NT5C2: variants seen among roughly 807,000 people sequenced by gnomAD.
The protein encoded by NT5C2 is cytosolic purine 5'-nucleotidase.
NT5C2 carries 58 observed loss-of-function variants against 76.1 expected under a neutral mutation model. The ratio of observed to expected loss-of-function variants is 0.76; its 90% CI spans 0.62 to 0.95. The LOEUF (loss-of-function observed/expected upper bound fraction) is 0.95. NT5C2 is among the 40% of genes least tolerant of loss of function. The pLI, the probability that NT5C2 is intolerant of heterozygous loss-of-function variation, is 0.00. For missense variants in NT5C2, 478 were observed against 690.3 expected, an observed-to-expected ratio of 0.69 and a Z score of 3.45; for synonymous variants, 229 against 237.4, an observed-to-expected ratio of 0.96 and a Z score of 0.32.
At chr10:103,101,127 A>C in intron 7 of NT5C2, 25 bp from the exon 8 acceptor site, 1 of 1,550,946 alleles carries the variant, frequency 6.4e-7, no homozygotes, top group Non-Finnish European at 8.9e-7. Flanking sequence ...ACAGATATTC[A>C]TAAGCTATAA....
intron 1 of NT5C2, among the ~76,000 whole-genome samples, chr10:103,191,278 A>G (rs2092617116): frequency 6.6e-6 from 1 of 151,902 alleles, no homozygotes; most frequent in Non-Finnish European, 1.5e-5. Context: ...GCTACTCGGG[A>G]GGCCGAGGCA....
In NT5C2 at chr10:103,090,720, T is replaced by A; in HGVS notation, c.1340A>T (p.Gln447Leu). The stretch of plus-strand genomic sequence containing the variant: ...CATCACTTGACTGGCAAAAAGGGTC[T>A]GCCGGGAGCCACTGCGAAACAGGCT... ...MGSLFRSGSR[Q>L]TLFASQVMRY... is the part of the protein sequence containing the mutation. Residue 447 changes from glutamine to leucine, a missense_variant, in exon 18 of 19, where the codon CAG becomes CTG. By Grantham distance (113) the Gln-to-Leu change is moderately radical (BLOSUM62 -2). Coordinates refer to ENST00000404739, the MANE Select transcript of NT5C2 (RefSeq NM_001351169.2). The A allele has an allele frequency of 6.2e-7, 1 of 1,614,218 alleles. No individual in the cohort carries two copies. The highest frequency in any genetic ancestry group is 8.5e-7 in the Non-Finnish European group (1 of 1,180,050).
chr10:103,128,193 AGCCTGCCGAGT>A (rs1409129458), intron 4 of NT5C2, among the ~76,000 whole-genome samples: 2 of 145,920 alleles, frequency 1.4e-5, no homozygotes, highest in East Asian at 2.3e-4. Flanking sequence ...CTCCTGCCTC[AGCCTGCCGAGT>A]GCCTGCCATT....
chr10:103,090,930 G>A lies in NT5C2; in HGVS notation c.1272+6C>T, dbSNP rs2134521793. On this transcript the variant is annotated splice_donor_region_variant and intron_variant, in intron 17 of 18. Transcript: ENST00000404739. The stretch of plus-strand genomic sequence containing the variant: ...CCAAGTTTTCTCCCAAATCCCATTT[G>A]GATACCTTAATACGTCTCTGGATGG... 1 of 1,613,174 alleles carries A rather than the reference G, an allele frequency of 6.2e-7. No individual in the cohort carries two copies. Among genetic ancestry groups the A allele is most frequent in the Non-Finnish European group, 8.5e-7 (1 of 1,179,276 alleles).
intron 1 of NT5C2, among the ~76,000 whole-genome samples, chr10:103,182,332 A>G (rs909416848): frequency 6.6e-6 from 1 of 152,076 alleles, no homozygotes; most frequent in Non-Finnish European, 1.5e-5. Flanking sequence ...ACTTCACTCA[A>G]ATTTTAATTT....
chr10:103,159,931 T>G (rs185199957), intron 3 of NT5C2, among the ~76,000 whole-genome samples: 2 of 152,142 alleles, frequency 1.3e-5, no homozygotes, highest in Non-Finnish European at 2.9e-5. Flanking sequence ...CATATGGATA[T>G]AGAAGGGCAC....
intron 1 of NT5C2, among the ~76,000 whole-genome samples, chr10:103,188,372 AAAAT>A (rs951473529): frequency 8.1e-4 from 124 of 152,156 alleles, no homozygotes; most frequent in Non-Finnish European, 1.3e-3. Context: ...AAATAAATAA[AAAAT>A]AAAGATAAAC....
At chr10:103,165,168 C>T (rs1022911201) in intron 3 of NT5C2, among the ~76,000 whole-genome samples, 1 of 152,176 alleles carries the variant, frequency 6.6e-6, no homozygotes, top group Non-Finnish European at 1.5e-5. Flanking sequence ...GATCACAGCT[C>T]ACTGTAACCT....
At chr10:103,146,246 A>G in intron 3 of NT5C2, 1 of 985,368 alleles carries the variant, frequency 1.0e-6, no homozygotes, top group Non-Finnish European at 1.2e-6. Context: ...TTGTCATTGG[A>G]TATCACTGTT....
chr10:103,154,018 T>C (rs2082858778), intron 3 of NT5C2, among the ~76,000 whole-genome samples: 1 of 152,144 alleles, frequency 6.6e-6, no homozygotes, highest in Non-Finnish European at 1.5e-5. Context: ...ATCTTTGGCA[T>C]ATGGGGGATA....
At chr10:103,153,511 ATTTT>A (rs1392853914) in intron 3 of NT5C2, 1 of 985,034 alleles carries the variant, frequency 1.0e-6, no homozygotes. Flanking sequence ...CTTAAGAATA[ATTTT>A]TTTAAAAATT....
At chr10:103,183,619 C>CATAT (rs370669820) in intron 1 of NT5C2, among the ~76,000 whole-genome samples, 3 of 146,126 alleles carry the variant, frequency 2.1e-5, no homozygotes, top group African/African-American at 5.1e-5. Flanking sequence ...GGGTTCACGC[C>CATAT]ATATATATAT....
intron 3 of NT5C2, chr10:103,153,907 T>C (rs1167223183): frequency 4.4e-5 from 22 of 497,516 alleles, no homozygotes; most frequent in Non-Finnish European, 5.5e-5. Context: ...AGGTATTTTT[T>C]TTTCTGACTT....
intron 4 of NT5C2, among the ~76,000 whole-genome samples, chr10:103,129,530 G>A (rs1436830809): frequency 9.0e-6 from 1 of 111,664 alleles, no homozygotes; most frequent in Non-Finnish European, 2.0e-5. Flanking sequence ...GAGGTGGGGG[G>A]GTCAGCCCCC....
chr10:103,092,628 G>T (rs1178215860), intron 15 of NT5C2, among the ~76,000 whole-genome samples: 1 of 152,198 alleles, frequency 6.6e-6, no homozygotes. Context: ...CCGTAACTCA[G>T]TTCAGCACAG....
Position 103,089,794 on chromosome 10 carries a change from G to A in NT5C2, c.1564C>T (p.His522Tyr), listed in dbSNP as rs368467266. 1.7e-5 allele frequency: 28 copies of A among 1,613,976 alleles called. No individual in the cohort carries two copies. The African/African-American group carries it at 3.6e-4, about 21-fold the overall frequency. Residue 522 changes from histidine (H) to tyrosine (Y), a missense_variant, in exon 19 of 19, where the codon CAC (histidine) becomes TAC (tyrosine). His to Tyr is a moderately conservative substitution (Grantham distance 83). Coordinates refer to ENST00000404739, the MANE Select transcript of NT5C2 (RefSeq NM_001351169.2). Reference protein sequence around the residue: ...VDFKDTDYKRHQLTRSISEIK... With the variant: ...VDFKDTDYKRYQLTRSISEIK... ...TCACTAATTGACCGTGTCAGCTGGTGCCGCTTGTAGTCAGTGTCTTTGAAA... is the reference window on the plus strand; with the variant it reads ...TCACTAATTGACCGTGTCAGCTGGTACCGCTTGTAGTCAGTGTCTTTGAAA...
Position 103,090,720 on chromosome 10 carries a change from T to G in NT5C2, c.1340A>C (p.Gln447Pro). The change falls in exon 18 of 19, where the codon CAG becomes CCG. Residue 447 changes from glutamine (Q) to proline (P), a missense_variant. Coordinates refer to ENST00000404739, the MANE Select transcript of NT5C2 (RefSeq NM_001351169.2). Reference protein sequence around the residue: ...MGSLFRSGSRQTLFASQVMRY... With the variant: ...MGSLFRSGSRPTLFASQVMRY... ...CATCACTTGACTGGCAAAAAGGGTCTGCCGGGAGCCACTGCGAAACAGGCT... is the reference window on the plus strand; with the variant it reads ...CATCACTTGACTGGCAAAAAGGGTCGGCCGGGAGCCACTGCGAAACAGGCT... 1.2e-6 allele frequency: 2 copies of G among 1,614,218 alleles called. No individual in the cohort carries two copies. Among genetic ancestry groups the G allele is most frequent in the South Asian group, 1.1e-5 (1 of 91,086 alleles).
In NT5C2 at chr10:103,190,672, G is replaced by A. The variant is rs1201122878; in HGVS notation, c.-169+2564C>T. On this transcript the variant is annotated intron_variant, in intron 1 of 18. Coordinates refer to ENST00000404739, the MANE Select transcript of NT5C2 (RefSeq NM_001351169.2). Reference sequence around the variant, plus strand: ...AGTAGCAAGCCAGACTACAAAATCCGGGCCCTTAAATAAATGCAATGTCTC... The same window carrying A: ...AGTAGCAAGCCAGACTACAAAATCCAGGCCCTTAAATAAATGCAATGTCTC... Among the ~76,000 whole-genome samples the A allele has an allele frequency of 4.6e-5, 7 of 152,260 alleles. No individual in the cohort carries two copies. The South Asian group carries it at 6.2e-4, about 14-fold the overall frequency.
intron 1 of NT5C2, among the ~76,000 whole-genome samples, chr10:103,185,440 G>A (rs950007102): frequency 2.0e-5 from 3 of 151,802 alleles, no homozygotes; most frequent in Admixed American, 2.0e-4. Context: ...GAGCCTAGGA[G>A]TTCGAGACCA....
Sources: allele counts gnomAD v4.1 joint callset (sites outside exome capture counted in the v4.1 genomes callset), GRCh38; gene constraint gnomAD v4.1.1; transcripts MANE v1.5; gene names NCBI Gene and HGNC (gene_info 2026-07-23, HGNC 2026-07-21).